RNGTT: variants seen among roughly 807,000 people sequenced by gnomAD.
RNGTT encodes mRNA-capping enzyme.
A neutral mutation model predicts 79.3 loss-of-function variants in RNGTT; 33 were observed. The ratio of observed to expected loss-of-function variants is 0.42; its 90% CI spans 0.32 to 0.56. The LOEUF (loss-of-function observed/expected upper bound fraction) is 0.56. Ranked by LOEUF, RNGTT falls within the 20% of genes least tolerant of loss-of-function variation. The probability of loss-of-function intolerance (pLI) is 0.17; values close to 1 mark genes in which losing one functional copy is unlikely to be tolerated. For missense variants in RNGTT, 497 were observed against 739.1 expected, an observed-to-expected ratio of 0.67 and a Z score of 3.80; for synonymous variants, 222 against 235.9, an observed-to-expected ratio of 0.94 and a Z score of 0.54.
chr6:88,680,566 AC>A lies in RNGTT; in HGVS notation c.1440-2148del, dbSNP rs1468641970. 4.0e-5 allele frequency among the ~76,000 whole-genome samples: 6 copies of A among 151,532 alleles called. No homozygotes were observed. The South Asian group carries it at 6.3e-4, about 16-fold the overall frequency. On this transcript the variant is annotated intron_variant, in intron 13 of 15. Transcript: ENST00000369485. The stretch of plus-strand genomic sequence containing the variant: ...AGACCAGCCTGACCAACATGGAGAA[AC>A]CCCGTCTCTACTAAAAATACAAAAA...
chr6:88,791,409 G>T (rs1779405023), intron 12 of RNGTT, among the ~76,000 whole-genome samples: 2 of 152,196 alleles, frequency 1.3e-5, no homozygotes, highest in South Asian at 2.1e-4. Context: ...AAATTGCTGG[G>T]ACCTCCAGAT....
chr6:88,904,462 C>T (rs892126750), intron 6 of RNGTT, among the ~76,000 whole-genome samples: 1 of 151,984 alleles, frequency 6.6e-6, no homozygotes, highest in Admixed American at 6.6e-5. Context: ...TGTCTACAGT[C>T]CCAGCTACTC....
intron 13 of RNGTT, among the ~76,000 whole-genome samples, chr6:88,728,293 A>C (rs1286994531): frequency 1.3e-5 from 2 of 152,232 alleles, no homozygotes; most frequent in East Asian, 3.8e-4. Flanking sequence ...AGGCAAAGAC[A>C]GCTCTCTACT....
intron 12 of RNGTT, among the ~76,000 whole-genome samples, chr6:88,774,655 T>C (rs769932797): frequency 3.9e-5 from 6 of 152,196 alleles, no homozygotes; most frequent in Non-Finnish European, 8.8e-5. Context: ...GAAGTTTTGA[T>C]ACGTGCTGCC....
chr6:88,930,065 C>CATATGTATACATATACATGTATATGT, intron 2 of RNGTT, among the ~76,000 whole-genome samples: 1 of 146,302 alleles, frequency 6.8e-6, no homozygotes, highest in Non-Finnish European at 1.5e-5. Context: ...CATGTATATG[C>CATATGTATACATATACATGTATATGT]ATATGTATAC....
intron 13 of RNGTT, among the ~76,000 whole-genome samples, chr6:88,712,383 G>A (rs756840372): frequency 8.5e-5 from 13 of 152,174 alleles, no homozygotes; most frequent in Non-Finnish European, 1.8e-4. Context: ...ATAGCTCACT[G>A]CAGCTTTGAA....
chr6:88,954,390 A>G lies in RNGTT; in HGVS notation c.64+8956T>C, dbSNP rs1019109553. On this transcript the variant is annotated intron_variant, in intron 1 of 15. Transcript: ENST00000369485. Reference sequence around the variant, plus strand: ...GGAATAACAGTTCAAAAAGACAGAGAAGGACATTATATAATGAAAAAAAGG... The same window carrying G: ...GGAATAACAGTTCAAAAAGACAGAGGAGGACATTATATAATGAAAAAAAGG... Among the ~76,000 whole-genome samples, 4 of 152,328 alleles carry G rather than the reference A, an allele frequency of 2.6e-5. No individual in the cohort carries two copies. The South Asian group carries it at 8.3e-4, about 32-fold the overall frequency.
At chr6:88,618,370 G>T (rs1562151835) in intron 14 of RNGTT, among the ~76,000 whole-genome samples, 1 of 152,118 alleles carries the variant, frequency 6.6e-6, no homozygotes, top group Non-Finnish European at 1.5e-5. Flanking sequence ...ACTAAAAACA[G>T]TTTCCAATAA....
intron 14 of RNGTT, among the ~76,000 whole-genome samples, chr6:88,673,510 A>G (rs1187038378): frequency 6.6e-6 from 1 of 152,234 alleles, no homozygotes; most frequent in Non-Finnish European, 1.5e-5. Flanking sequence ...TGGTGGAGCC[A>G]TAGGAATTAT....
At chr6:88,757,966 T>C (rs919774212) in intron 13 of RNGTT, among the ~76,000 whole-genome samples, 3 of 152,228 alleles carry the variant, frequency 2.0e-5, no homozygotes, top group Admixed American at 6.5e-5. Flanking sequence ...ATAAGCATTA[T>C]CTTAAGTTTC....
chr6:88,765,908 AAG>A (rs1778445162), intron 13 of RNGTT, among the ~76,000 whole-genome samples: 1 of 152,230 alleles, frequency 6.6e-6, no homozygotes, highest in Non-Finnish European at 1.5e-5. Flanking sequence ...TGCATTTTAA[AAG>A]AGAAAATTAA....
At chr6:88,716,638 TA>T (rs1776525259) in intron 13 of RNGTT, among the ~76,000 whole-genome samples, 4 of 152,120 alleles carry the variant, frequency 2.6e-5, no homozygotes. Flanking sequence ...TATGCAGCCA[TA>T]AAAAATGATG....
intron 11 of RNGTT, among the ~76,000 whole-genome samples, chr6:88,806,790 T>A (rs544988623): frequency 8.5e-5 from 13 of 152,208 alleles, no homozygotes; most frequent in Admixed American, 7.9e-4. Flanking sequence ...GATATATGCA[T>A]GTGTAAATTC....
intron 14 of RNGTT, among the ~76,000 whole-genome samples, chr6:88,644,346 T>A (rs1194408204): frequency 4.6e-5 from 7 of 151,980 alleles, no homozygotes; most frequent in Admixed American, 3.3e-4. Flanking sequence ...GCTCTGAAAT[T>A]GAGGCAATAA....
At chr6:88,693,733 A>G (rs1430671901) in intron 13 of RNGTT, among the ~76,000 whole-genome samples, 1 of 152,176 alleles carries the variant, frequency 6.6e-6, no homozygotes, top group African/African-American at 2.4e-5. Flanking sequence ...ATTCAATAGC[A>G]CATTAAAAGG....
At chr6:88,731,846 C>A (rs1279358355) in intron 13 of RNGTT, among the ~76,000 whole-genome samples, 9 of 151,954 alleles carry the variant, frequency 5.9e-5, no homozygotes, top group African/African-American at 2.2e-4. Context: ...TGACCAGAAG[C>A]CTTACCAATA....
chr6:88,744,114 T>A (rs900309595), intron 13 of RNGTT, among the ~76,000 whole-genome samples: 1 of 152,210 alleles, frequency 6.6e-6, no homozygotes, highest in Non-Finnish European at 1.5e-5. Context: ...AATTTCATTA[T>A]CAAACAAGCT....
intron 13 of RNGTT, among the ~76,000 whole-genome samples, chr6:88,745,272 A>G (rs1173105745): frequency 6.6e-6 from 1 of 152,236 alleles, no homozygotes; most frequent in Non-Finnish European, 1.5e-5. Flanking sequence ...CACTGAAAAC[A>G]GCACATCATT....
chr6:88,755,959 CAAAAAAAAAAAA>C (rs1157096180), intron 13 of RNGTT, among the ~76,000 whole-genome samples: 8 of 30,526 alleles, frequency 2.6e-4, no homozygotes, highest in South Asian at 2.7e-3. Context: ...GACTCCGTCT[CAAAAAAAAAAAA>C]AAAAAAAAAA....
Sources: allele counts gnomAD v4.1 joint callset (sites outside exome capture counted in the v4.1 genomes callset), GRCh38; gene constraint gnomAD v4.1.1; transcripts MANE v1.5; gene names NCBI Gene and HGNC (gene_info 2026-07-23, HGNC 2026-07-21).